The following FAM81B variants were observed in gnomAD, a reference collection of about 807,000 sequenced individuals.
FAM81B encodes family with sequence similarity 81 member B.
Under a neutral mutation model 58.7 loss-of-function variants are expected in FAM81B, and 60 were observed. The observed-to-expected ratio is 1.02, with a 90% CI of 0.83 to 1.27. FAM81B has a LOEUF of 1.27. Among genes scored for constraint, FAM81B ranks in the 50% most tolerant of loss-of-function variants. The pLI is 0.00. For missense variants in FAM81B, 491 were observed against 522.0 expected, an observed-to-expected ratio of 0.94 and a Z score of 0.58; for synonymous variants, 189 against 179.6, an observed-to-expected ratio of 1.05 and a Z score of -0.42.
chr5:95,423,382 G>T (rs1216096782), intron 5 of FAM81B, among the ~76,000 whole-genome samples: 1 of 151,876 alleles, frequency 6.6e-6, no homozygotes, highest in Non-Finnish European at 1.5e-5. Flanking sequence ...AGAGAGAGAG[G>T]TCACGTCCCC....
intron 6 of FAM81B, among the ~76,000 whole-genome samples, chr5:95,436,276 C>T (rs913435368): frequency 1.3e-5 from 2 of 152,176 alleles, no homozygotes; most frequent in African/African-American, 4.8e-5. Flanking sequence ...CACTTGTGCT[C>T]ATGTCAGAAT....
intron 1 of FAM81B, among the ~76,000 whole-genome samples, chr5:95,392,564 C>G (rs1301879715): frequency 1.3e-5 from 2 of 151,954 alleles, no homozygotes; most frequent in African/African-American, 4.8e-5. Context: ...TTCTAAAGGT[C>G]TTATAGAAGT....
intron 2 of FAM81B, 79 bp downstream of exon 2, chr5:95,392,976 T>G (rs763696464): frequency 8.0e-7 from 1 of 1,254,110 alleles, no homozygotes; most frequent in South Asian, 1.7e-5. Context: ...TTAGAGAGTT[T>G]AAGAAGTTCT....
At chr5:95,393,846 A>G (rs1226455764) in intron 2 of FAM81B, among the ~76,000 whole-genome samples, 3 of 152,226 alleles carry the variant, frequency 2.0e-5, no homozygotes, top group African/African-American at 7.2e-5. Context: ...TCAAAGCATT[A>G]TTATGAAATG....
chr5:95,415,133 A>T (rs1383492317), intron 4 of FAM81B, among the ~76,000 whole-genome samples: 1 of 152,220 alleles, frequency 6.6e-6, no homozygotes, highest in Non-Finnish European at 1.5e-5. Context: ...CAAGAGAAAC[A>T]TGCTTGTGTA....
In FAM81B at chr5:95,446,584, C is replaced by T; in HGVS notation, c.916C>T (p.Leu306=). ...TAGATTTCATTCACTTTCAAGTAAT[C>T]TGTACGAAGAAGTTGAGAATAATAA... ...EFKFHSLSSN[L]YEEVENNKKW... The change falls in exon 8 of 10, where the codon CTG becomes TTG. Residue 306 remains leucine, a synonymous_variant. Coordinates refer to ENST00000283357, the MANE Select transcript of FAM81B (RefSeq NM_152548.3). The T allele has an allele frequency of 6.2e-7, 1 of 1,603,148 alleles. No individual in the cohort carries two copies.
chr5:95,411,235 G>A (rs781162218), intron 3 of FAM81B, among the ~76,000 whole-genome samples: 7 of 152,100 alleles, frequency 4.6e-5, no homozygotes, highest in South Asian at 2.1e-4. Context: ...TTCCATTAAC[G>A]GGTTTGATAA....
At chr5:95,399,451 C>T (rs1488167913) in intron 3 of FAM81B, among the ~76,000 whole-genome samples, 1 of 152,100 alleles carries the variant, frequency 6.6e-6, no homozygotes, top group African/African-American at 2.4e-5. Context: ...ACAGTGCAGT[C>T]TTTTGGTCTT....
intron 6 of FAM81B, among the ~76,000 whole-genome samples, chr5:95,433,419 C>T (rs142039728): frequency 0.014 from 2,128 of 152,160 alleles, 41 homozygotes; most frequent in African/African-American, 0.048. Flanking sequence ...TTACCTCCCA[C>T]GGGGTCCTTC....
chr5:95,448,129 AAC>A, intron 8 of FAM81B, 138 bp from the exon 9 acceptor site: 1 of 741,856 alleles, frequency 1.3e-6, no homozygotes, highest in Non-Finnish European at 2.2e-6. Flanking sequence ...TATACTTATG[AAC>A]ACAGTTTTAG....
intron 3 of FAM81B, among the ~76,000 whole-genome samples, chr5:95,403,609 T>C (rs1174283182): frequency 1.3e-5 from 2 of 152,212 alleles, no homozygotes; most frequent in Admixed American, 6.5e-5. Flanking sequence ...CAGAACATCA[T>C]TAAGCAGCCA....
intron 8 of FAM81B, among the ~76,000 whole-genome samples, chr5:95,447,247 G>A (rs1745612447): frequency 6.6e-6 from 1 of 152,224 alleles, no homozygotes; most frequent in Admixed American, 6.5e-5. Context: ...GGGAAGGGCA[G>A]CACAGCGCCA....
chr5:95,425,615 T>C (rs139636182), intron 5 of FAM81B, among the ~76,000 whole-genome samples: 500 of 152,208 alleles, frequency 3.3e-3, no homozygotes, highest in African/African-American at 0.012. Context: ...TAAATCAAAA[T>C]AAGGATCTTA....
chr5:95,398,392 C>G (rs1322242556), intron 3 of FAM81B, among the ~76,000 whole-genome samples: 1 of 151,540 alleles, frequency 6.6e-6, no homozygotes, highest in African/African-American at 2.4e-5. Context: ...GCACTCCTGC[C>G]TGGGTCACAG....
chr5:95,445,589 T>A (rs1209872892), intron 7 of FAM81B, among the ~76,000 whole-genome samples: 1 of 152,228 alleles, frequency 6.6e-6, no homozygotes, highest in African/African-American at 2.4e-5. Context: ...TTAATACTTC[T>A]ATGGTGCATC....
At chr5:95,412,960 A>G (rs930796181) in intron 3 of FAM81B, among the ~76,000 whole-genome samples, 1 of 152,216 alleles carries the variant, frequency 6.6e-6, no homozygotes, top group Admixed American at 6.5e-5. Context: ...CAAATCCCAA[A>G]CTAAGAATAT....
rs553700628 is a variant in FAM81B at position 95,414,185 on chromosome 5, A to G, written c.532A>G (p.Ile178Val). Residue 178 changes from isoleucine to valine, a missense_variant, in exon 4 of 10, where the codon ATT becomes GTT. Ile to Val is a conservative substitution (Grantham distance 29). Transcript: ENST00000283357. ...CATCGTCAAAAAACTCAGCCAAAAT[A>G]TTGAGGTAGTTCTCTTTTTGTTTTA... ...TSIVKKLSQN[I>V]EILEDQIRAR... 3.5e-4 allele frequency: 556 copies of G among 1,605,582 alleles called. 4 individuals are homozygous for G. In the South Asian group the frequency reaches 4.6e-3, roughly 13 times the overall value.
chr5:95,415,774 C>T lies in FAM81B; in HGVS notation c.537+1584C>T, dbSNP rs530509501. On this transcript the variant is annotated intron_variant, in intron 4 of 9. Transcript: ENST00000283357. Reference sequence around the variant, plus strand: ...TTCTAAGAATATTCTATATTTTGATCTGGATTGTTATATGGTTGATTACAT... The same window carrying T: ...TTCTAAGAATATTCTATATTTTGATTTGGATTGTTATATGGTTGATTACAT... Among the ~76,000 whole-genome samples, 71 of 152,232 alleles carry T rather than the reference C, an allele frequency of 4.7e-4. 1 individual carries two copies. The South Asian group carries it at 0.015, about 32-fold the overall frequency.
chr5:95,408,946 A>G (rs1187733582), intron 3 of FAM81B, among the ~76,000 whole-genome samples: 3 of 152,220 alleles, frequency 2.0e-5, no homozygotes, highest in Non-Finnish European at 4.4e-5. Context: ...CACTGGCCAC[A>G]TGTGCCTGTT....
Sources: gnomAD v4.1 joint callset for allele counts (sites outside exome capture counted in the v4.1 genomes callset) on GRCh38, gnomAD v4.1.1 for gene constraint, MANE v1.5 for transcripts, NCBI Gene and HGNC (gene_info 2026-07-23, HGNC 2026-07-21) for gene names.